The following CELF2 variants were observed in gnomAD, a reference collection of about 807,000 sequenced individuals.
CELF2 encodes the protein CUGBP Elav-like family member 2.
In CELF2, 8 loss-of-function variants were observed where a neutral mutation model predicts 62.6. The observed-to-expected ratio is 0.13, with a 90% CI of 0.07 to 0.23. CELF2 has a LOEUF of 0.23. Ranked by LOEUF, CELF2 falls within the 10% of genes least tolerant of loss-of-function variation. CELF2 has a pLI of 1.00. For missense variants in CELF2, 333 were observed against 671.0 expected (o/e 0.50, Z 5.56); for synonymous variants, 258 against 250.0 (o/e 1.03, Z -0.30).
At chr10:11,044,117 G>A (rs2062368614) in intron 1 of CELF2, among the ~76,000 whole-genome samples, 1 of 152,158 alleles carries the variant, frequency 6.6e-6, no homozygotes, top group Non-Finnish European at 1.5e-5. Context: ...GGCGGTCCCT[G>A]ACTATCATCT....
the CELF2 span, among the ~76,000 whole-genome samples, chr10:10,781,843 C>A: frequency 6.6e-6 from 1 of 152,168 alleles, no homozygotes; most frequent in African/African-American, 2.4e-5. Context: ...TATACAGTCA[C>A]CTCCCTGTAT....
At position 11,315,305 on chromosome 10, in the gene CELF2, G is replaced by A. The variant is rs962393767; in HGVS notation, c.1096+1047G>A. Among the ~76,000 whole-genome samples the A allele has an allele frequency of 5.9e-5, 9 of 152,260 alleles. No homozygotes were observed. In the East Asian group the frequency reaches 1.5e-3, roughly 26 times the overall value. On this transcript the variant is annotated intron_variant, in intron 10 of 12. Coordinates refer to ENST00000633077, the MANE Select transcript of CELF2 (RefSeq NM_001326342.2). This position sits in a 1 kb window ranked among gnomAD's most constrained non-coding sequence, Gnocchi z 5.8. ...GCTACCATGCAGCCCAGGCACCCCGGCACCTGCCCATTCTCATTTTTAATA... is the reference window on the plus strand; with the variant it reads ...GCTACCATGCAGCCCAGGCACCCCGACACCTGCCCATTCTCATTTTTAATA...
the CELF2 span, among the ~76,000 whole-genome samples, chr10:10,636,575 A>G: frequency 3.3e-5 from 5 of 152,222 alleles, no homozygotes; most frequent in African/African-American, 1.2e-4. Flanking sequence ...AATACATGGC[A>G]TCTTCAATTT....
chr10:10,803,817 CAATGAATG>C (rs757300310), intron 1 of CELF2, among the ~76,000 whole-genome samples: 3 of 152,092 alleles, frequency 2.0e-5, no homozygotes, highest in Admixed American at 6.5e-5. Context: ...TAGCACACGA[CAATGAATG>C]AATGAATGAA....
chr10:10,949,288 C>T lies in CELF2; in HGVS notation c.89+29289C>T, dbSNP rs192878636. Among the ~76,000 whole-genome samples, 126 of 152,158 alleles carry T rather than the reference C, an allele frequency of 8.3e-4. 1 individual carries two copies. The highest frequency in any genetic ancestry group is 2.6e-3 in the African/African-American group (109 of 41,478). On this transcript the variant is annotated intron_variant, in intron 2 of 13. Transcript: ENST00000636488. ...AAAGCCCCTGCACTTTCCGGAGCAA[C>T]GTATCAGTCCCCAAACCCCACTCAT...
chr10:10,921,545 G>A (rs539200769), intron 2 of CELF2, among the ~76,000 whole-genome samples: 1 of 152,370 alleles, frequency 6.6e-6, no homozygotes, highest in South Asian at 2.1e-4. Flanking sequence ...TGGGATTACA[G>A]GTGTGAGCCA....
the CELF2 span, among the ~76,000 whole-genome samples, chr10:10,735,192 G>A: frequency 1.3e-5 from 2 of 152,132 alleles, no homozygotes; most frequent in South Asian, 2.1e-4. Flanking sequence ...ATCAGGATCC[G>A]AATGATTTCC....
At chr10:10,697,834 C>A in the CELF2 span, among the ~76,000 whole-genome samples, 1 of 152,184 alleles carries the variant, frequency 6.6e-6, no homozygotes, top group Admixed American at 6.5e-5. Context: ...GTCACCCAGG[C>A]TGGAGTCCAG....
At chr10:11,168,533 T>G (rs983410609) in intron 2 of CELF2, among the ~76,000 whole-genome samples, 1 of 152,206 alleles carries the variant, frequency 6.6e-6, no homozygotes, top group Non-Finnish European at 1.5e-5. Flanking sequence ...TTTACTTTGA[T>G]TCAGACTTTG....
intron 1 of CELF2, among the ~76,000 whole-genome samples, chr10:11,095,180 C>G (rs544639767): frequency 6.8e-4 from 104 of 152,202 alleles, no homozygotes; most frequent in Admixed American, 1.9e-3. Context: ...GTTTACAAAG[C>G]GAAGTTTCTT....
At chr10:11,154,486 T>C (rs2063915686) in intron 1 of CELF2, among the ~76,000 whole-genome samples, 1 of 152,248 alleles carries the variant, frequency 6.6e-6, no homozygotes, top group African/African-American at 2.4e-5. Context: ...AAAGGAAACA[T>C]GCAGGATGAG....
the CELF2 span, among the ~76,000 whole-genome samples, chr10:10,656,843 C>A: frequency 4.1e-5 from 6 of 145,074 alleles, no homozygotes; most frequent in Non-Finnish European, 7.5e-5. Context: ...GCAGAATGTG[C>A]ACATGTACCC....
Position 11,243,398 on chromosome 10 carries a change from A to G in CELF2, c.355-5755A>G, listed in dbSNP as rs996121611. On this transcript the variant is annotated intron_variant, in intron 3 of 12. Transcript: ENST00000633077. This position sits in a 1 kb window ranked among gnomAD's most constrained non-coding sequence, Gnocchi z 4.1. Reference sequence around the variant, plus strand: ...AAAAGCTTCTAAAAATTCATGTACCATCAAGGAAATCTTCACATGAATGGG... The same window carrying G: ...AAAAGCTTCTAAAAATTCATGTACCGTCAAGGAAATCTTCACATGAATGGG... 1.3e-5 allele frequency among the ~76,000 whole-genome samples: 2 copies of G among 151,920 alleles called. No homozygotes were observed. The highest frequency in any genetic ancestry group is 2.4e-5 in the African/African-American group (1 of 41,358).
chr10:11,013,067 A>G (rs762593964), upstream of CELF2, among the ~76,000 whole-genome samples: 1 of 152,092 alleles, frequency 6.6e-6, no homozygotes, highest in Non-Finnish European at 1.5e-5. This position sits in a 1 kb window ranked among gnomAD's most constrained non-coding sequence, Gnocchi z 4.1. Flanking sequence ...CCCAGGGCTC[A>G]CTGCGAAGAC....
At position 11,269,774 on chromosome 10, in the gene CELF2, C is replaced by G. The variant is rs1174072580; in HGVS notation, c.619-892C>G. 3.3e-4 allele frequency among the ~76,000 whole-genome samples: 51 copies of G among 152,256 alleles called. 1 individual carries two copies. In the Middle Eastern group the frequency reaches 0.014, roughly 41 times the overall value. Reference sequence around the variant, plus strand: ...TTGGGGTGTTAGGCCCTTATTATCCCTGATGATTTTATCTAGCTCAGTAGT... The same window carrying G: ...TTGGGGTGTTAGGCCCTTATTATCCGTGATGATTTTATCTAGCTCAGTAGT... On this transcript the variant is annotated intron_variant, in intron 6 of 12. Transcript: ENST00000633077. This position sits in a 1 kb window ranked among gnomAD's most constrained non-coding sequence, Gnocchi z 4.4.
intron 1 of CELF2, chr10:10,798,905 G>C: frequency 2.5e-6 from 1 of 398,538 alleles, no homozygotes; most frequent in Non-Finnish European, 4.4e-6. Flanking sequence ...GAAGTGGTTG[G>C]GGTTGCTTGA....
the CELF2 span, among the ~76,000 whole-genome samples, chr10:10,528,745 A>G: frequency 6.6e-6 from 1 of 152,232 alleles, no homozygotes; most frequent in Non-Finnish European, 1.5e-5. Context: ...AAGTGAAAGG[A>G]GAATGCAGAT....
chr10:10,713,143 C>T, the CELF2 span, among the ~76,000 whole-genome samples: 1 of 152,230 alleles, frequency 6.6e-6, no homozygotes, highest in Non-Finnish European at 1.5e-5. Flanking sequence ...TTTCCTAAAT[C>T]CTTCCCCTAT....
chr10:11,204,144 C>T (rs1433230233), intron 2 of CELF2, among the ~76,000 whole-genome samples: 3 of 152,174 alleles, frequency 2.0e-5, no homozygotes, highest in African/African-American at 4.8e-5. Flanking sequence ...CCCTGGATAT[C>T]AAGAAACCCT....
Sources: allele counts gnomAD v4.1 joint callset (sites outside exome capture counted in the v4.1 genomes callset), GRCh38; gene constraint gnomAD v4.1.1; non-coding constraint Gnocchi (gnomAD v3.1); transcripts MANE v1.5; gene names NCBI Gene and HGNC (gene_info 2026-07-23, HGNC 2026-07-21).